The following BTBD16 variants were observed in gnomAD, a reference collection of about 807,000 sequenced individuals.
The protein encoded by BTBD16 is BTB domain containing 16, also known as BTB/POZ domain-containing protein 16.
Under a neutral mutation model 67.4 loss-of-function variants are expected in BTBD16, and 66 were observed. That is an observed-to-expected ratio of 0.98 (90% CI 0.80 to 1.20). The LOEUF is 1.20. BTBD16 is among the 50% of genes most tolerant of loss of function. BTBD16 has a pLI of 0.00. For missense variants in BTBD16, 634 were observed against 616.0 expected (o/e 1.03, Z -0.31); for synonymous variants, 242 against 236.4 (o/e 1.02, Z -0.22).
intron 9 of BTBD16, chr10:122,303,513 G>A (rs2096397914): frequency 6.4e-6 from 1 of 155,972 alleles, no homozygotes; most frequent in Admixed American, 6.6e-5. Context: ...ATGGCCTTTT[G>A]TTTTGTTTTG....
chr10:122,286,304 C>T (rs1306196955), intron 5 of BTBD16, 56 bp downstream of exon 5: 3 of 1,541,218 alleles, frequency 1.9e-6, no homozygotes, highest in Non-Finnish European at 2.6e-6. Context: ...GCTTGACGGT[C>T]CCAGCTTGGA....
chr10:122,325,588 GGGT>G, intron 10 of BTBD16, among the ~76,000 whole-genome samples: 1 of 152,276 alleles, frequency 6.6e-6, no homozygotes, highest in African/African-American at 2.4e-5. Flanking sequence ...TATGATGTGG[GGGT>G]GGCAGCAGGA....
At chr10:122,282,400 C>T (rs576867694) in intron 3 of BTBD16, among the ~76,000 whole-genome samples, 1 of 152,210 alleles carries the variant, frequency 6.6e-6, no homozygotes, top group Non-Finnish European at 1.5e-5. Context: ...CATCCTCCCC[C>T]CTTGGAAAGG....
At chr10:122,314,860 T>C (rs1476362715) in intron 10 of BTBD16, among the ~76,000 whole-genome samples, 1 of 152,200 alleles carries the variant, frequency 6.6e-6, no homozygotes, top group Non-Finnish European at 1.5e-5. Flanking sequence ...CTTCCCTTAT[T>C]GCACTAGGTA....
intron 10 of BTBD16, among the ~76,000 whole-genome samples, chr10:122,326,931 C>A (rs2096445991): frequency 6.6e-6 from 1 of 152,220 alleles, no homozygotes; most frequent in Non-Finnish European, 1.5e-5. Context: ...CCAGTGTAGC[C>A]AAGCACTGTA....
intron 3 of BTBD16, among the ~76,000 whole-genome samples, chr10:122,278,523 T>G (rs770643253): frequency 2.0e-5 from 3 of 152,240 alleles, no homozygotes; most frequent in Non-Finnish European, 4.4e-5. Context: ...ACTATTTTCT[T>G]TATTGCCTGG....
In BTBD16 at chr10:122,332,472, C is replaced by G. The variant is rs1218453159; in HGVS notation, c.1123C>G (p.Leu375Val). Reference sequence around the variant, plus strand: ...GGGCGACATGGTCCACCTGAAAGATCTTAACACCCAGGCTGTGAGATTTGG... The same window carrying G: ...GGGCGACATGGTCCACCTGAAAGATGTTAACACCCAGGCTGTGAGATTTGG... The part of the protein sequence containing the change: ...NGGDMVHLKD[L>V]NTQAVRFGLL... Residue 375 changes from leucine to valine, a missense_variant, in exon 13 of 16, where the codon CTT becomes GTT. Physicochemically the swap from Leu to Val is conservative, Grantham distance 32. Transcript: ENST00000260723. 1.2e-6 allele frequency: 2 copies of G among 1,614,070 alleles called. No homozygotes were observed. The highest frequency in any genetic ancestry group is 4.5e-5 in the East Asian group (2 of 44,846).
intron 9 of BTBD16, among the ~76,000 whole-genome samples, chr10:122,306,972 G>A (rs930337033): frequency 1.1e-4 from 17 of 152,150 alleles, no homozygotes; most frequent in Non-Finnish European, 2.5e-4. Flanking sequence ...TGAAAACACA[G>A]GCCCTAGTGT....
chr10:122,275,679 A>T (rs1389269602), intron 2 of BTBD16, among the ~76,000 whole-genome samples: 2 of 152,140 alleles, frequency 1.3e-5, no homozygotes, highest in African/African-American at 4.8e-5. Flanking sequence ...GTGGCTTGGG[A>T]TCAATGACAT....
chr10:122,328,973 G>A (rs573405613), intron 10 of BTBD16: 4 of 435,236 alleles, frequency 9.2e-6, no homozygotes, highest in African/African-American at 4.3e-5. Flanking sequence ...TTTTCAGAAA[G>A]CACTTTTGCA....
At chr10:122,316,542 G>A (rs935840621) in intron 10 of BTBD16, among the ~76,000 whole-genome samples, 3 of 152,176 alleles carry the variant, frequency 2.0e-5, no homozygotes, top group Middle Eastern at 3.2e-3. Flanking sequence ...ATATGGTACA[G>A]TGTATCCCTC....
At chr10:122,309,040 C>G (rs1316194272) in intron 10 of BTBD16, among the ~76,000 whole-genome samples, 1 of 152,212 alleles carries the variant, frequency 6.6e-6, no homozygotes, top group Non-Finnish European at 1.5e-5. Flanking sequence ...CCAGGGACAT[C>G]ATAAGCAGCT....
rs757685566 is a variant in BTBD16 at position 122,331,146 on chromosome 10, A to G, written c.1004-30A>G. 6 of 1,603,510 alleles carry G rather than the reference A, an allele frequency of 3.7e-6. No individual in the cohort carries two copies. In the East Asian group the frequency reaches 1.1e-4, roughly 30 times the overall value. On this transcript the variant is annotated intron_variant, in intron 11 of 15. Transcript: ENST00000260723. ...TTGAGGCTCTGGTGTGAATAAAACT[A>G]AAAAACATTCTCTTTGCGTTTCTTC...
chr10:122,298,001 T>TA (rs1387295666), intron 8 of BTBD16, among the ~76,000 whole-genome samples, 164 bp downstream of exon 8: 1 of 152,092 alleles, frequency 6.6e-6, no homozygotes, highest in Non-Finnish European at 1.5e-5. Context: ...TTTTTTTTTT[T>TA]AAACCATCAT....
intron 11 of BTBD16, among the ~76,000 whole-genome samples, chr10:122,329,835 G>A (rs930671054): frequency 6.6e-6 from 1 of 152,050 alleles, no homozygotes; most frequent in Non-Finnish European, 1.5e-5. Flanking sequence ...GCAGTGTACG[G>A]CTGCCAAGGG....
At chr10:122,321,636 G>A (rs574842011) in intron 10 of BTBD16, among the ~76,000 whole-genome samples, 2 of 152,172 alleles carry the variant, frequency 1.3e-5, no homozygotes, top group Non-Finnish European at 2.9e-5. Flanking sequence ...GCATATGTTT[G>A]TTGGCCACTT....
chr10:122,334,590 T>A (rs2096460501), intron 13 of BTBD16, among the ~76,000 whole-genome samples: 1 of 131,108 alleles, frequency 7.6e-6, no homozygotes, highest in Non-Finnish European at 1.6e-5. Context: ...CACTGCAACA[T>A]CTGCCTCCCC....
Position 122,336,683 on chromosome 10 carries a change from G to A in BTBD16, c.1452+1G>A. ...GACCACGTCATCCTGCAAAAGCCAT[G>A]CAAGTGTTCACGTTGTCTTTTCCTT... On this transcript the variant is annotated splice_donor_variant, in intron 15 of 15. Transcript: ENST00000260723. LOFTEE classifies it high-confidence loss of function. The A allele has an allele frequency of 6.3e-7, 1 of 1,576,536 alleles. No individual in the cohort carries two copies. Among genetic ancestry groups the A allele is most frequent in the Non-Finnish European group, 8.6e-7 (1 of 1,167,142 alleles).
chr10:122,282,136 TCAGCCGATGACA>T (rs2096354459), intron 3 of BTBD16, among the ~76,000 whole-genome samples: 1 of 152,224 alleles, frequency 6.6e-6, no homozygotes, highest in African/African-American at 2.4e-5. Flanking sequence ...ATCCCTTGGC[TCAGCCGATGACA>T]CTGATGTTTG....
Sources: allele counts gnomAD v4.1 joint callset (sites outside exome capture counted in the v4.1 genomes callset), GRCh38; gene constraint gnomAD v4.1.1; transcripts MANE v1.5; gene names NCBI Gene and HGNC (gene_info 2026-07-23, HGNC 2026-07-21).